The following DSTYK variants were observed in gnomAD, a reference collection of about 807,000 sequenced individuals.
DSTYK encodes the protein RIP-homologous kinase.
In DSTYK, 34 loss-of-function variants were observed where a neutral mutation model predicts 98.7. The observed-to-expected ratio is 0.34, with a 90% CI of 0.26 to 0.46. The LOEUF (loss-of-function observed/expected upper bound fraction) is 0.46. Ranked by LOEUF, DSTYK falls within the 20% of genes least tolerant of loss-of-function variation. DSTYK has a pLI of 1.00. For missense variants in DSTYK, 962 were observed against 1,181.7 expected, an observed-to-expected ratio of 0.81 and a Z score of 2.73; for synonymous variants, 462 against 457.3, an observed-to-expected ratio of 1.01 and a Z score of -0.13.
At chr1:205,153,745 C>G (rs944453910) in intron 10 of DSTYK, among the ~76,000 whole-genome samples, 1 of 150,654 alleles carries the variant, frequency 6.6e-6, no homozygotes, top group African/African-American at 2.4e-5. Flanking sequence ...TGTCACCAGG[C>G]TCCAGCCTGG....
chr1:205,178,713 A>C (rs1658307878), intron 2 of DSTYK, among the ~76,000 whole-genome samples: 2 of 152,190 alleles, frequency 1.3e-5, no homozygotes, highest in South Asian at 4.1e-4. Flanking sequence ...TGGCTGAGAG[A>C]GCAGGAAATC....
In DSTYK at chr1:205,142,652, A is replaced by G. The variant is rs1238939141; in HGVS notation, c.*4906T>C. The G allele has an allele frequency of 6.6e-6, 1 of 152,296 alleles. No homozygotes were observed. The highest frequency in any genetic ancestry group is 1.9e-4 in the East Asian group (1 of 5,204). 9.4% of individuals were successfully genotyped at this position (152,296 alleles called of 1,614,324 possible). On this transcript the variant is annotated 3_prime_UTR_variant, in exon 13 of 13. Transcript: ENST00000367162. ...AGTCGCATCTCTTCAAAATGCACAC[A>G]ATTAAGACGGTCCTGCTGTAACAAT...
intron 1 of DSTYK, 120 bp from the exon 2 acceptor site, chr1:205,187,926 T>C (rs1156752591): frequency 1.0e-6 from 1 of 998,384 alleles, no homozygotes; most frequent in African/African-American, 1.6e-5. Flanking sequence ...AGAGGAGAAA[T>C]TTCTAGGAAC....
rs112797978 is a variant in DSTYK at position 205,193,593 on chromosome 1, G to A, written c.266-5787C>T. Among the ~76,000 whole-genome samples the A allele has an allele frequency of 8.6e-3, 1,312 of 152,180 alleles. 22 individuals carry two copies. The highest frequency in any genetic ancestry group is 0.03 in the African/African-American group (1,252 of 41,538). On this transcript the variant is annotated intron_variant, in intron 1 of 12. Coordinates refer to ENST00000367162, the MANE Select transcript of DSTYK (RefSeq NM_015375.3). ...ACCATAGAAACTAGAAACCCTGGCC[G>A]GGCACAGTGGCTCATGCCTGTAATC...
intron 1 of DSTYK, among the ~76,000 whole-genome samples, chr1:205,195,421 G>GA (rs1262275107): frequency 1.3e-5 from 2 of 152,160 alleles, no homozygotes; most frequent in South Asian, 2.1e-4. Context: ...GACTGAGACA[G>GA]AAAAAATTCA....
rs555859685 is a variant in DSTYK at position 205,184,681 on chromosome 1, C to T, written c.654+2737G>A. 5.3e-5 allele frequency among the ~76,000 whole-genome samples: 8 copies of T among 152,220 alleles called. No homozygotes were observed. The South Asian group carries it at 8.3e-4, about 16-fold the overall frequency. The stretch of plus-strand genomic sequence containing the variant: ...ATTGCCCAAGTGTTGTACAGTGCTA[C>T]GATCACAGCTGACCACTGCCTCCAC... On this transcript the variant is annotated intron_variant, in intron 2 of 12. Coordinates refer to ENST00000367162, the MANE Select transcript of DSTYK (RefSeq NM_015375.3).
chr1:205,147,645 A>G lies in DSTYK; in HGVS notation c.2703T>C (p.Ile901=), dbSNP rs141849197. Residue 901 remains isoleucine (I), a synonymous_variant, in exon 13 of 13, where the codon ATT becomes ATC. Transcript: ENST00000367162. ...TGATGCCCTGGAGCATGGGCTGGAC[A>G]ATGCCCAAGAGAGGCCTCTTCAAGG... ...GDPLKRPLLG[I]VQPMLQGIMN... The G allele has an allele frequency of 1.1e-5, 17 of 1,614,180 alleles. No homozygotes were observed. The highest frequency in any genetic ancestry group is 1.4e-5 in the Non-Finnish European group (16 of 1,180,022).
At chr1:205,182,166 C>A (rs909166713) in intron 2 of DSTYK, among the ~76,000 whole-genome samples, 2 of 151,580 alleles carry the variant, frequency 1.3e-5, no homozygotes, top group Non-Finnish European at 2.9e-5. Flanking sequence ...TTTGGGAGGC[C>A]GAGGCAGGCA....
Position 205,150,786 on chromosome 1 carries a change from C to T in DSTYK, c.2361G>A (p.Lys787=). 1.2e-6 allele frequency: 2 copies of T among 1,614,022 alleles called. No homozygotes were observed. Among genetic ancestry groups the T allele is most frequent in the Non-Finnish European group, 1.7e-6 (2 of 1,179,926 alleles). Residue 787 remains lysine (K), a synonymous_variant, in exon 11 of 13, where the codon AAG becomes AAA. Transcript: ENST00000367162. This position sits in a 1 kb window ranked among gnomAD's most constrained non-coding sequence, Gnocchi z 4.1. ...DIKLKNVLLD[K]QNRAKITDLG... ...AGTCAGTGATCTTGGCACGGTTCTG[C>T]TTATCCAGCTGCCAACAAAGCAGGG...
chr1:205,190,548 G>A (rs540966282), intron 1 of DSTYK, among the ~76,000 whole-genome samples: 33 of 150,654 alleles, frequency 2.2e-4, no homozygotes, highest in Middle Eastern at 3.4e-3. Context: ...CCCGGGAAGC[G>A]GAGGTTGCAG....
At chr1:205,156,686 C>G (rs1657572114) in intron 10 of DSTYK, among the ~76,000 whole-genome samples, 1 of 152,132 alleles carries the variant, frequency 6.6e-6, no homozygotes, top group African/African-American at 2.4e-5. Context: ...TGGACTTGGA[C>G]TTTTGGATTA....
chr1:205,191,911 A>ATGGCTTCTCAGC (rs1658724052), intron 1 of DSTYK, among the ~76,000 whole-genome samples: 1 of 152,206 alleles, frequency 6.6e-6, no homozygotes, highest in Non-Finnish European at 1.5e-5. Context: ...AGGTAACAGC[A>ATGGCTTCTCAGC]TGGCTTCTCA....
chr1:205,174,925 T>C (rs1658185108), intron 2 of DSTYK, among the ~76,000 whole-genome samples: 1 of 150,676 alleles, frequency 6.6e-6, no homozygotes, highest in East Asian at 2.0e-4. Context: ...TTAGTAGAGA[T>C]GGGGTTTCTC....
rs545814539 is a variant in DSTYK, at chr1:205,211,685, T to C, written c.-150A>G. 44 of 1,130,830 alleles carry C rather than the reference T, an allele frequency of 3.9e-5. No homozygotes were observed. In the African/African-American group the frequency reaches 6.9e-4, roughly 18 times the overall value. The allele number at this position is 1,130,830 out of a possible 1,614,324, so 70.0% of individuals were successfully genotyped here. ...TGGCTCCCAACCTCCGTCACTGCCG[T>C]TGCAAACAAACCAAACCGCAGTGCG... On this transcript the variant is annotated 5_prime_UTR_variant, in exon 1 of 13. Coordinates refer to ENST00000367162, the MANE Select transcript of DSTYK (RefSeq NM_015375.3).
intron 2 of DSTYK, among the ~76,000 whole-genome samples, chr1:205,181,797 T>C (rs1357320427): frequency 6.6e-6 from 1 of 151,762 alleles, no homozygotes; most frequent in Non-Finnish European, 1.5e-5. Context: ...TCCTCCTGCC[T>C]CTGCCTCCTA....
Position 205,178,369 on chromosome 1 carries a change from A to AG in DSTYK, c.655-8538dup, listed in dbSNP as rs533619098. ...CTACCTAATGGACAGTCAAACACCC[A>AG]GGTATCTACTGATGCAGATAACAGT... On this transcript the variant is annotated intron_variant, in intron 2 of 12. Coordinates refer to ENST00000367162, the MANE Select transcript of DSTYK (RefSeq NM_015375.3). Among the ~76,000 whole-genome samples, 149 of 152,232 alleles carry AG rather than the reference A, an allele frequency of 9.8e-4. 2 individuals carry two copies. Among genetic ancestry groups the AG allele is most frequent in the African/African-American group, 3.4e-3 (141 of 41,542 alleles).
At chr1:205,159,051 A>G (rs965504413) in intron 9 of DSTYK, among the ~76,000 whole-genome samples, 2 of 152,048 alleles carry the variant, frequency 1.3e-5, no homozygotes, top group African/African-American at 2.4e-5. Context: ...CTGGGCATAT[A>G]ATGGGGTGAA....
At chr1:205,186,346 A>G (rs1235675102) in intron 2 of DSTYK, among the ~76,000 whole-genome samples, 1 of 152,204 alleles carries the variant, frequency 6.6e-6, no homozygotes, top group Non-Finnish European at 1.5e-5. Context: ...CTTGTTACAT[A>G]GCCCCCTGTG....
intron 2 of DSTYK, among the ~76,000 whole-genome samples, chr1:205,172,477 T>C (rs897605369): frequency 6.6e-6 from 1 of 150,530 alleles, no homozygotes; most frequent in African/African-American, 2.4e-5. Flanking sequence ...TTTTCATTCT[T>C]TTTTGGGTTT....
Sources: gnomAD v4.1 joint callset for allele counts (sites outside exome capture counted in the v4.1 genomes callset) on GRCh38, gnomAD v4.1.1 for gene constraint, Gnocchi (gnomAD v3.1) non-coding constraint, MANE v1.5 for transcripts, NCBI Gene and HGNC (gene_info 2026-07-23, HGNC 2026-07-21) for gene names.